ARHGEF38: variants seen among roughly 807,000 people sequenced by gnomAD.
ARHGEF38 encodes the protein Rho guanine nucleotide exchange factor 38.
A neutral mutation model predicts 79.9 loss-of-function variants in ARHGEF38; 79 were observed. The ratio of observed to expected loss-of-function variants is 0.99; its 90% CI spans 0.82 to 1.19. The LOEUF (loss-of-function observed/expected upper bound fraction) is 1.19. Ranked by LOEUF, ARHGEF38 falls within the 50% of genes most tolerant of loss-of-function variation. The probability of loss-of-function intolerance (pLI) is 0.00; values close to 1 mark genes in which losing one functional copy is unlikely to be tolerated. For synonymous variants in ARHGEF38, 366 were observed against 328.3 expected, an observed-to-expected ratio of 1.11 and a Z score of -1.24; for missense variants, 962 against 907.2, an observed-to-expected ratio of 1.06 and a Z score of -0.78.
chr4:105,658,226 A>C lies in ARHGEF38; in HGVS notation c.1234-828A>C, dbSNP rs1389268820. Among the ~76,000 whole-genome samples, 6 of 152,246 alleles carry C rather than the reference A, an allele frequency of 3.9e-5. No homozygotes were observed. The East Asian group carries it at 1.2e-3, about 30-fold the overall frequency. ...TGCTCAAGACCATCTTGGGCAATAG[A>C]GTGAGACCGTATCTCTACCAAAAAT... On this transcript the variant is annotated intron_variant, in intron 9 of 13. Transcript: ENST00000420470.
At chr4:105,567,004 TG>T (rs1455213327) in intron 1 of ARHGEF38, among the ~76,000 whole-genome samples, 1 of 152,224 alleles carries the variant, frequency 6.6e-6, no homozygotes, top group Non-Finnish European at 1.5e-5. Context: ...CCTCCTGCCT[TG>T]GCCTCTGAAA....
intron 1 of ARHGEF38, among the ~76,000 whole-genome samples, chr4:105,571,723 A>G (rs1726245165): frequency 6.6e-6 from 1 of 152,184 alleles, no homozygotes; most frequent in Non-Finnish European, 1.5e-5. Flanking sequence ...GGAGTGCATG[A>G]CTGTTCTTAC....
At position 105,630,926 on chromosome 4, in the gene ARHGEF38, A is replaced by G; in HGVS notation, c.537A>G (p.Pro179=). ...AAGTATTCTTGCAGATTAAAGGGCCACTGGAAGATATTTATAAAATCTACT... is the reference window on the plus strand; with the variant it reads ...AAGTATTCTTGCAGATTAAAGGGCCGCTGGAAGATATTTATAAAATCTACT... ...IGEVFLQIKG[P]LEDIYKIYCY... is the part of the protein sequence containing the mutation. The change falls in exon 4 of 14, where the codon CCA becomes CCG. Residue 179 remains proline (P), a synonymous_variant. Coordinates refer to ENST00000420470, the MANE Select transcript of ARHGEF38 (RefSeq NM_001242729.2). The G allele has an allele frequency of 6.2e-7, 1 of 1,612,100 alleles. No individual in the cohort carries two copies. The highest frequency in any genetic ancestry group is 8.5e-7 in the Non-Finnish European group (1 of 1,179,430).
At position 105,667,518 on chromosome 4, in the gene ARHGEF38, A is replaced by G; in HGVS notation, c.1963A>G (p.Asn655Asp). ...PAKMQKVDAE[N>D]RFCDDDFENI... is the part of the protein sequence containing the mutation. Reference sequence around the variant, plus strand: ...AAAAATGCAGAAAGTGGATGCTGAGAACAGGTTCTGTGACGATGATTTTGA... The same window carrying G: ...AAAAATGCAGAAAGTGGATGCTGAGGACAGGTTCTGTGACGATGATTTTGA... Residue 655 changes from asparagine (N) to aspartate (D), a missense_variant, in exon 13 of 14, where the codon AAC (asparagine) becomes GAC (aspartate). Asn to Asp is a conservative substitution (Grantham distance 23). Transcript: ENST00000420470. 6.5e-7 allele frequency: 1 copy of G among 1,536,544 alleles called. No individual in the cohort carries two copies. The highest frequency in any genetic ancestry group is 8.7e-7 in the Non-Finnish European group (1 of 1,147,014).
At chr4:105,591,699 T>G (rs1727348594) in intron 2 of ARHGEF38, among the ~76,000 whole-genome samples, 2 of 152,214 alleles carry the variant, frequency 1.3e-5, no homozygotes, top group South Asian at 4.1e-4. Flanking sequence ...TCAGTTTGCC[T>G]CATGACTTTT....
intron 7 of ARHGEF38, among the ~76,000 whole-genome samples, chr4:105,653,676 A>G (rs1024368162): frequency 6.6e-6 from 1 of 152,246 alleles, no homozygotes; most frequent in South Asian, 2.1e-4. Flanking sequence ...AATCATACGA[A>G]CAAAACAAGA....
chr4:105,630,304 G>C (rs1305790727), intron 3 of ARHGEF38, among the ~76,000 whole-genome samples: 1 of 150,556 alleles, frequency 6.6e-6, no homozygotes, highest in Non-Finnish European at 1.5e-5. Flanking sequence ...CTGGAGTGCA[G>C]TGGTGCAATC....
At chr4:105,585,181 C>G (rs1437011013) in intron 1 of ARHGEF38, among the ~76,000 whole-genome samples, 1 of 152,148 alleles carries the variant, frequency 6.6e-6, no homozygotes, top group Non-Finnish European at 1.5e-5. Flanking sequence ...TTTTCCCATT[C>G]CCACAGAAAT....
At chr4:105,650,252 A>G (rs1271507365) in intron 7 of ARHGEF38, among the ~76,000 whole-genome samples, 2 of 152,200 alleles carry the variant, frequency 1.3e-5, no homozygotes, top group African/African-American at 4.8e-5. Context: ...ATTTTAAAAT[A>G]CCTTTCTGGC....
chr4:105,681,821 G>C (rs1731320981), downstream of ARHGEF38, among the ~76,000 whole-genome samples: 1 of 152,136 alleles, frequency 6.6e-6, no homozygotes, highest in East Asian at 1.9e-4. Flanking sequence ...TTATATAGGA[G>C]CTTATTGTAT....
At chr4:105,599,260 A>T (rs1026858269) in intron 2 of ARHGEF38, among the ~76,000 whole-genome samples, 1 of 152,126 alleles carries the variant, frequency 6.6e-6, no homozygotes, top group African/African-American at 2.4e-5. Context: ...TTACATTTAT[A>T]AGCACCTCCT....
At chr4:105,622,524 A>T (rs937479141) in intron 3 of ARHGEF38, among the ~76,000 whole-genome samples, 2 of 152,164 alleles carry the variant, frequency 1.3e-5, no homozygotes, top group Non-Finnish European at 1.5e-5. Flanking sequence ...TGAGCAAGTC[A>T]CTTGAGCCAG....
intron 2 of ARHGEF38, among the ~76,000 whole-genome samples, chr4:105,599,784 A>G (rs1176922835): frequency 6.6e-6 from 1 of 152,208 alleles, no homozygotes; most frequent in Non-Finnish European, 1.5e-5. Context: ...GCACTTATGT[A>G]AGGCACTTTA....
chr4:105,631,862 C>G (rs1257829629), intron 4 of ARHGEF38, among the ~76,000 whole-genome samples: 1 of 152,172 alleles, frequency 6.6e-6, no homozygotes, highest in African/African-American at 2.4e-5. Flanking sequence ...CCCAGTGGCT[C>G]TCTTACAGAC....
intron 13 of ARHGEF38, among the ~76,000 whole-genome samples, chr4:105,668,625 A>C (rs72669997): frequency 0.042 from 6,358 of 152,080 alleles, 188 homozygotes; most frequent in Middle Eastern, 0.13. Context: ...TAATTTATTT[A>C]AATTTATTTT....
intron 2 of ARHGEF38, among the ~76,000 whole-genome samples, chr4:105,603,857 C>G (rs752279879): frequency 1.2e-4 from 19 of 152,194 alleles, no homozygotes; most frequent in Non-Finnish European, 1.5e-5. Flanking sequence ...GACTTTGAAA[C>G]AGTTCACTGA....
chr4:105,595,572 C>A (rs1464232732), intron 2 of ARHGEF38, among the ~76,000 whole-genome samples: 2 of 151,984 alleles, frequency 1.3e-5, no homozygotes, highest in African/African-American at 4.8e-5. Context: ...GAAATATTTT[C>A]TGGAATAGGA....
intron 3 of ARHGEF38, among the ~76,000 whole-genome samples, chr4:105,623,708 G>A (rs1728831345): frequency 6.6e-6 from 1 of 152,168 alleles, no homozygotes; most frequent in Admixed American, 6.5e-5. Flanking sequence ...TATTTCAAGA[G>A]CATCTATTCC....
intron 3 of ARHGEF38, among the ~76,000 whole-genome samples, chr4:105,614,417 C>T (rs1270614495): frequency 6.6e-6 from 1 of 152,016 alleles, no homozygotes. Flanking sequence ...GAGATACACA[C>T]ACAAAGACTA....
Sources: gnomAD v4.1 joint callset for allele counts (sites outside exome capture counted in the v4.1 genomes callset) on GRCh38, gnomAD v4.1.1 for gene constraint, MANE v1.5 for transcripts, NCBI Gene and HGNC (gene_info 2026-07-23, HGNC 2026-07-21) for gene names.